NPAS3: variants seen among roughly 807,000 people sequenced by gnomAD.
NPAS3 encodes neuronal PAS domain-containing protein 3.
A neutral mutation model predicts 73.1 loss-of-function variants in NPAS3; 14 were observed. That is an observed-to-expected ratio of 0.19 (90% CI 0.13 to 0.30). The LOEUF (loss-of-function observed/expected upper bound fraction) is 0.30. Ranked by LOEUF, NPAS3 falls within the 10% of genes least tolerant of loss-of-function variation. The pLI is 1.00. For missense variants in NPAS3, 1,096 were observed against 1,250.0 expected (o/e 0.88, Z 1.86); for synonymous variants, 620 against 541.5 (o/e 1.14, Z -2.01).
At chr14:33,157,768 G>A (rs982829015) in intron 2 of NPAS3, among the ~76,000 whole-genome samples, 5 of 152,262 alleles carry the variant, frequency 3.3e-5, no homozygotes, top group South Asian at 4.1e-4. Flanking sequence ...GAGCTAGGTC[G>A]CCTGGGTTTG....
At chr14:33,399,420 A>G (rs909891053) in intron 4 of NPAS3, among the ~76,000 whole-genome samples, 1 of 152,078 alleles carries the variant, frequency 6.6e-6, no homozygotes, top group Non-Finnish European at 1.5e-5. Flanking sequence ...CTAAAGAGCA[A>G]CAAGGAGAAT....
At position 33,525,818 on chromosome 14, in the gene NPAS3, G is replaced by A. The variant is rs17101448; in HGVS notation, c.469-34303G>A. 2.2e-3 allele frequency among the ~76,000 whole-genome samples: 333 copies of A among 152,254 alleles called. 2 individuals carry two copies. Among genetic ancestry groups the A allele is most frequent in the African/African-American group, 7.7e-3 (320 of 41,572 alleles). ...AGTTTGGAATGTGACATGGGAGGTA[G>A]GGTCTGATCAGGAACCGGGAAACGT... On this transcript the variant is annotated intron_variant, in intron 4 of 11. Transcript: ENST00000356141.
chr14:33,390,632 A>G (rs2046961894), intron 4 of NPAS3, among the ~76,000 whole-genome samples: 1 of 152,176 alleles, frequency 6.6e-6, no homozygotes, highest in African/African-American at 2.4e-5. Context: ...AAGTATATGG[A>G]CGATGGATGT....
At chr14:33,580,748 C>G (rs2139876736) in intron 5 of NPAS3, among the ~76,000 whole-genome samples, 1 of 152,260 alleles carries the variant, frequency 6.6e-6, no homozygotes, top group South Asian at 2.1e-4. Flanking sequence ...CCTAGAACTA[C>G]CACGCTTTGT....
intron 4 of NPAS3, among the ~76,000 whole-genome samples, chr14:33,457,007 G>A (rs370245461): frequency 5.9e-5 from 9 of 152,134 alleles, no homozygotes; most frequent in South Asian, 2.1e-4. Flanking sequence ...CCACAAAAGC[G>A]TTTTATACCA....
chr14:32,939,401 G>T (rs373230885), intron 1 of NPAS3, 35 bp downstream of exon 1: 33 of 619,474 alleles, frequency 5.3e-5, no homozygotes, highest in Non-Finnish European at 7.7e-5. Flanking sequence ...CTGCCGCCGG[G>T]CCGCTGCTCC....
At chr14:33,047,117 T>A (rs1174344947) in intron 1 of NPAS3, among the ~76,000 whole-genome samples, 3 of 152,182 alleles carry the variant, frequency 2.0e-5, no homozygotes, top group Non-Finnish European at 4.4e-5. Context: ...AAGGTAAAAT[T>A]TGAAGCCGAA....
chr14:33,295,222 G>T (rs1016560937), intron 3 of NPAS3, among the ~76,000 whole-genome samples: 1 of 152,114 alleles, frequency 6.6e-6, no homozygotes, highest in African/African-American at 2.4e-5. Context: ...ATTAGCCTAC[G>T]ATAAAGTCAT....
chr14:33,589,203 A>G (rs2056974301), intron 5 of NPAS3, among the ~76,000 whole-genome samples: 1 of 152,226 alleles, frequency 6.6e-6, no homozygotes, highest in Admixed American at 6.5e-5. Flanking sequence ...TCCTTTATGT[A>G]GAAGCAATAT....
intron 2 of NPAS3, among the ~76,000 whole-genome samples, chr14:33,184,903 G>A (rs1251241053): frequency 6.6e-6 from 1 of 152,176 alleles, no homozygotes; most frequent in Non-Finnish European, 1.5e-5. Flanking sequence ...CCAATAGGCA[G>A]CCTGAAACCT....
intron 2 of NPAS3, among the ~76,000 whole-genome samples, chr14:33,193,775 T>A (rs1041747961): frequency 7.2e-5 from 11 of 152,168 alleles, no homozygotes; most frequent in Non-Finnish European, 1.6e-4. Context: ...GTAAGAAAAA[T>A]GATTAACATG....
intron 3 of NPAS3, among the ~76,000 whole-genome samples, chr14:33,324,083 C>T (rs762587665): frequency 2.0e-5 from 3 of 152,136 alleles, no homozygotes; most frequent in Admixed American, 6.5e-5. Flanking sequence ...AGACAGTGAC[C>T]GCAGGCACCT....
chr14:33,719,001 A>C (rs571514471), intron 6 of NPAS3, among the ~76,000 whole-genome samples: 5 of 152,206 alleles, frequency 3.3e-5, no homozygotes, highest in East Asian at 3.9e-4. Context: ...GGTGGTGTGC[A>C]TCTGTAGTCC....
At chr14:33,376,510 C>T (rs562030087) in intron 4 of NPAS3, among the ~76,000 whole-genome samples, 17 of 152,168 alleles carry the variant, frequency 1.1e-4, no homozygotes, top group African/African-American at 3.4e-4. Context: ...TTGAGTCCTT[C>T]GTTCAATAGG....
At chr14:32,946,666 A>G (rs1387416785) in intron 1 of NPAS3, among the ~76,000 whole-genome samples, 1 of 152,214 alleles carries the variant, frequency 6.6e-6, no homozygotes, top group Non-Finnish European at 1.5e-5. Context: ...TAAAAGGACT[A>G]GATAAGAAGT....
chr14:33,163,817 G>A (rs2045014054), intron 2 of NPAS3, among the ~76,000 whole-genome samples: 1 of 152,096 alleles, frequency 6.6e-6, no homozygotes, highest in Non-Finnish European at 1.5e-5. Context: ...AATGTGCCAG[G>A]TATTTAACTG....
At chr14:33,802,648 T>C (rs1415730253), downstream of NPAS3, 1 of 152,256 alleles carries the variant, frequency 6.6e-6, no homozygotes, top group Non-Finnish European at 1.5e-5. Context: ...GCTAATGTAG[T>C]TGTTTTGTCC....
At chr14:33,136,124 G>A (rs1200205854) in intron 2 of NPAS3, among the ~76,000 whole-genome samples, 1 of 146,590 alleles carries the variant, frequency 6.8e-6, no homozygotes, top group Non-Finnish European at 1.5e-5. Flanking sequence ...GTGGTAGCGC[G>A]ATCTTGGCTC....
chr14:33,370,374 C>T (rs1010820259), intron 4 of NPAS3, among the ~76,000 whole-genome samples: 2 of 152,122 alleles, frequency 1.3e-5, no homozygotes, highest in Non-Finnish European at 1.5e-5. Flanking sequence ...CCAAAGGGTA[C>T]ATCAGACACA....
Sources: allele counts gnomAD v4.1 joint callset (sites outside exome capture counted in the v4.1 genomes callset), GRCh38; gene constraint gnomAD v4.1.1; transcripts MANE v1.5; gene names NCBI Gene and HGNC (gene_info 2026-07-23, HGNC 2026-07-21).